Variants in FAF1 observed in about 807,000 individuals in gnomAD.
FAF1 encodes the protein Fas associated factor 1.
FAF1 carries 25 observed loss-of-function variants against 92.5 expected under a neutral mutation model. The ratio of observed to expected loss-of-function variants is 0.27; its 90% CI spans 0.20 to 0.38. The LOEUF (loss-of-function observed/expected upper bound fraction) is 0.38, where lower values mean the gene tolerates loss of function less well. FAF1 is among the 10% of genes least tolerant of loss of function. FAF1 has a pLI of 1.00. For synonymous variants in FAF1, 234 were observed against 273.2 expected (o/e 0.86, Z 1.42); for missense variants, 636 against 793.3 (o/e 0.80, Z 2.38).
At chr1:50,856,807 C>T (rs1644393695) in intron 2 of FAF1, among the ~76,000 whole-genome samples, 1 of 151,606 alleles carries the variant, frequency 6.6e-6, no homozygotes, top group Admixed American at 6.6e-5. Flanking sequence ...ATCTTAAATA[C>T]CCAACAGCAT....
At chr1:50,606,683 T>C (rs1364736481) in intron 8 of FAF1, among the ~76,000 whole-genome samples, 1 of 151,952 alleles carries the variant, frequency 6.6e-6, no homozygotes, top group Non-Finnish European at 1.5e-5. Context: ...TGTATTTTAG[T>C]AGAGACGGAG....
intron 1 of FAF1, among the ~76,000 whole-genome samples, chr1:50,884,541 T>A (rs894714026): frequency 5.4e-5 from 8 of 147,800 alleles, no homozygotes; most frequent in African/African-American, 2.1e-4. Flanking sequence ...AAAAAAAAAT[T>A]TTTTTTCTTA....
intron 12 of FAF1, among the ~76,000 whole-genome samples, 194 bp from the exon 13 acceptor site, chr1:50,567,425 A>C (rs182574222): frequency 7.2e-5 from 11 of 152,218 alleles, no homozygotes; most frequent in Admixed American, 7.2e-4. Flanking sequence ...TACACTTTAA[A>C]AAGGCTGGGA....
At chr1:50,511,937 CT>C (rs1219231616) in intron 15 of FAF1, among the ~76,000 whole-genome samples, 1 of 152,202 alleles carries the variant, frequency 6.6e-6, no homozygotes, top group Non-Finnish European at 1.5e-5. Context: ...GATCGCCATT[CT>C]AACTGGCGTG....
At chr1:50,865,808 T>C (rs1199032483) in intron 1 of FAF1, among the ~76,000 whole-genome samples, 1 of 146,756 alleles carries the variant, frequency 6.8e-6, no homozygotes, top group Non-Finnish European at 1.5e-5. Flanking sequence ...CTGCACATTG[T>C]GCACATGTAC....
intron 3 of FAF1, among the ~76,000 whole-genome samples, chr1:50,797,918 T>C (rs1245502915): frequency 2.6e-5 from 4 of 152,150 alleles, no homozygotes; most frequent in Non-Finnish European, 5.9e-5. Context: ...TTCAACCAAA[T>C]AAGTGTTTTT....
intron 8 of FAF1, among the ~76,000 whole-genome samples, chr1:50,643,423 C>A (rs964971160): frequency 6.6e-6 from 1 of 151,526 alleles, no homozygotes; most frequent in East Asian, 1.9e-4. Context: ...TAAAATTTAT[C>A]TTTTAATGGG....
intron 1 of FAF1, among the ~76,000 whole-genome samples, chr1:50,858,314 A>G (rs1212812796): frequency 2.0e-5 from 3 of 151,872 alleles, no homozygotes; most frequent in Admixed American, 6.6e-5. Context: ...CTCATGGGCA[A>G]CCACATGTAA....
intron 4 of FAF1, among the ~76,000 whole-genome samples, chr1:50,756,653 T>C (rs1479302568): frequency 6.6e-6 from 1 of 152,156 alleles, no homozygotes; most frequent in African/African-American, 2.4e-5. Flanking sequence ...TGAGACTGGG[T>C]AATTTATACA....
At chr1:50,919,702 T>C (rs965018918) in intron 1 of FAF1, among the ~76,000 whole-genome samples, 4 of 152,108 alleles carry the variant, frequency 2.6e-5, no homozygotes, top group Non-Finnish European at 4.4e-5. Flanking sequence ...TTGGCCAGGA[T>C]GGTCTCGAAC....
At chr1:50,563,807 A>C (rs1650043101) in intron 13 of FAF1, among the ~76,000 whole-genome samples, 1 of 152,222 alleles carries the variant, frequency 6.6e-6, no homozygotes, top group Admixed American at 6.5e-5. Flanking sequence ...GAATGTTCTA[A>C]GATCAACCTA....
intron 6 of FAF1, among the ~76,000 whole-genome samples, chr1:50,732,838 T>C (rs373152115): frequency 7.9e-5 from 12 of 152,214 alleles, no homozygotes; most frequent in Non-Finnish European, 1.0e-4. Flanking sequence ...TGCTGATGTA[T>C]TGACTGAGTT....
chr1:50,620,253 T>G (rs1653128647), intron 8 of FAF1, among the ~76,000 whole-genome samples: 1 of 152,194 alleles, frequency 6.6e-6, no homozygotes, highest in Admixed American at 6.5e-5. Context: ...GAGGTTTTGT[T>G]CATTGTTTTA....
chr1:50,732,233 C>T (rs1343234846), intron 6 of FAF1, among the ~76,000 whole-genome samples: 1 of 152,042 alleles, frequency 6.6e-6, no homozygotes, highest in Non-Finnish European at 1.5e-5. Context: ...CGCCACCACG[C>T]CTGGCTAATT....
intron 15 of FAF1, among the ~76,000 whole-genome samples, chr1:50,510,755 A>G (rs1399848344): frequency 6.6e-6 from 1 of 152,234 alleles, no homozygotes; most frequent in Non-Finnish European, 1.5e-5. Flanking sequence ...CCAAATTTCA[A>G]AAAGGTTTCT....
At chr1:50,856,615 T>C (rs1421419177) in intron 2 of FAF1, among the ~76,000 whole-genome samples, 1 of 151,804 alleles carries the variant, frequency 6.6e-6, no homozygotes, top group Non-Finnish European at 1.5e-5. Flanking sequence ...GTAAAACCAA[T>C]CTGGAAGTCC....
At chr1:50,620,891 C>T (rs1653164179) in intron 8 of FAF1, among the ~76,000 whole-genome samples, 1 of 152,234 alleles carries the variant, frequency 6.6e-6, no homozygotes, top group Non-Finnish European at 1.5e-5. Flanking sequence ...GCTTCTGAGC[C>T]TTGGGGGTGC....
At chr1:50,716,737 C>T (rs1207839731) in intron 6 of FAF1, among the ~76,000 whole-genome samples, 4 of 152,230 alleles carry the variant, frequency 2.6e-5, no homozygotes, top group Middle Eastern at 3.4e-3. Flanking sequence ...GTGCTGTGTG[C>T]GTAGCTAAAG....
chr1:50,850,167 G>A (rs1308585882), intron 2 of FAF1, among the ~76,000 whole-genome samples: 2 of 151,956 alleles, frequency 1.3e-5, no homozygotes, highest in Non-Finnish European at 1.5e-5. Context: ...AGAAATAGAG[G>A]AAAACATCCA....
Sources: allele counts gnomAD v4.1 joint callset (sites outside exome capture counted in the v4.1 genomes callset), GRCh38; gene constraint gnomAD v4.1.1; transcripts MANE v1.5; gene names NCBI Gene and HGNC (gene_info 2026-07-23, HGNC 2026-07-21).